ACAD9: variants seen among roughly 807,000 people sequenced by gnomAD.
ACAD9 encodes acyl-CoA dehydrogenase family member 9.
A neutral mutation model predicts 70.2 loss-of-function variants in ACAD9; 53 were observed. That is an observed-to-expected ratio of 0.75 (90% CI 0.61 to 0.95). The LOEUF is 0.95. Among genes scored for constraint, ACAD9 ranks in the 40% least tolerant of loss-of-function variants. ACAD9 has a pLI of 0.00. For synonymous variants in ACAD9, 313 were observed against 312.1 expected (o/e 1.00, Z -0.03); for missense variants, 777 against 802.8 (o/e 0.97, Z 0.39).
At chr3:128,906,901 G>A (rs557776540) in intron 12 of ACAD9, among the ~76,000 whole-genome samples, 1 of 152,182 alleles carries the variant, frequency 6.6e-6, no homozygotes, top group Non-Finnish European at 1.5e-5. Flanking sequence ...GCCACAAAAC[G>A]TCTTTAAGCA....
intron 2 of ACAD9, among the ~76,000 whole-genome samples, chr3:128,887,641 A>G (rs1935290358): frequency 1.1e-5 from 1 of 92,396 alleles, no homozygotes; most frequent in Admixed American, 1.1e-4. Context: ...AAAAAAATAA[A>G]TAAATATATA....
At chr3:128,891,637 A>C (rs565990116) in intron 2 of ACAD9, among the ~76,000 whole-genome samples, 1 of 152,326 alleles carries the variant, frequency 6.6e-6, no homozygotes, top group South Asian at 2.1e-4. Flanking sequence ...AAAAAGAAAA[A>C]GAAAAGTCTG....
In ACAD9 at chr3:128,904,138, A is replaced by G; in HGVS notation, c.1029+6A>G. The G allele has an allele frequency of 6.2e-7, 1 of 1,613,992 alleles. No individual in the cohort carries two copies. The highest frequency in any genetic ancestry group is 1.7e-4 in the Middle Eastern group (1 of 6,060). On this transcript the variant is annotated splice_donor_region_variant and intron_variant, in intron 10 of 17. Coordinates refer to ENST00000308982, the MANE Select transcript of ACAD9 (RefSeq NM_014049.5). ...GTGAATTTGGATTGATTCAGGTACC[A>G]ATGGTTGAGTACTGTATTTGTGCAT...
rs753184132 is a variant in ACAD9, at chr3:128,901,366, A to G, written c.882+17A>G. On this transcript the variant is annotated intron_variant, in intron 8 of 17. Coordinates refer to ENST00000308982, the MANE Select transcript of ACAD9 (RefSeq NM_014049.5). The stretch of plus-strand genomic sequence containing the variant: ...GGGTTTAAGGTGAGTTGCCAGCCAC[A>G]GCCCCTTGTACCAGGTAGTGTCATG... 38 of 1,613,832 alleles carry G rather than the reference A, an allele frequency of 2.4e-5. No individual in the cohort carries two copies. In the Admixed American group the frequency reaches 6.3e-4, roughly 27 times the overall value.
chr3:128,894,999 C>G (rs1195671971), intron 3 of ACAD9, among the ~76,000 whole-genome samples: 1 of 151,174 alleles, frequency 6.6e-6, no homozygotes, highest in African/African-American at 2.4e-5. Context: ...GCCTCAGCCT[C>G]CTGAGTAGCT....
chr3:128,908,173 T>C lies in ACAD9; in HGVS notation c.1279-12T>C. The C allele has an allele frequency of 6.2e-7, 1 of 1,613,954 alleles. No individual in the cohort carries two copies. The highest frequency in any genetic ancestry group is 8.5e-7 in the Non-Finnish European group (1 of 1,179,958). On this transcript the variant is annotated splice_polypyrimidine_tract_variant and intron_variant, in intron 12 of 17. Transcript: ENST00000308982. The stretch of plus-strand genomic sequence containing the variant: ...GGGGGGCAGCCTTTGACCTCTACAC[T>C]ACTGACCACAGGGAACCAATGAGAT...
At chr3:128,907,307 A>G (rs1007570969) in intron 12 of ACAD9, among the ~76,000 whole-genome samples, 2 of 152,086 alleles carry the variant, frequency 1.3e-5, no homozygotes, top group Non-Finnish European at 2.9e-5. Context: ...CATACGGGGC[A>G]AGGGCCAGCC....
intron 2 of ACAD9, among the ~76,000 whole-genome samples, chr3:128,885,601 C>A (rs967582784): frequency 3.9e-5 from 6 of 152,174 alleles, no homozygotes; most frequent in Non-Finnish European, 8.8e-5. Context: ...ACTATATTGC[C>A]CAGGCTGGTC....
intron 17 of ACAD9, among the ~76,000 whole-genome samples, chr3:128,911,971 A>G (rs1420597450): frequency 6.6e-6 from 1 of 152,118 alleles, no homozygotes; most frequent in Admixed American, 6.5e-5. Context: ...CCACTCGACC[A>G]TATCTAGGAA....
intron 2 of ACAD9, among the ~76,000 whole-genome samples, chr3:128,887,644 A>AATAAATATATATATATATAT (rs1436892805): frequency 2.6e-4 from 35 of 133,086 alleles, no homozygotes; most frequent in African/African-American, 9.5e-4. Flanking sequence ...AAAATAAATA[A>AATAAATATATATATATATAT]ATATATATAT....
intron 1 of ACAD9, chr3:128,880,161 C>T (rs1576326267): frequency 1.5e-6 from 1 of 650,586 alleles, no homozygotes; most frequent in South Asian, 1.9e-5. Flanking sequence ...TGGAAATGTG[C>T]GGGGCTTCCT....
intron 4 of ACAD9, among the ~76,000 whole-genome samples, chr3:128,895,742 C>T (rs1674427958): frequency 6.6e-6 from 1 of 152,202 alleles, no homozygotes; most frequent in African/African-American, 2.4e-5. Flanking sequence ...CTTCGTCCTT[C>T]AGCCTGAGCA....
At chr3:128,885,752 C>G (rs975064178) in intron 2 of ACAD9, among the ~76,000 whole-genome samples, 4 of 152,022 alleles carry the variant, frequency 2.6e-5, no homozygotes, top group Non-Finnish European at 5.9e-5. Context: ...TGCAGTGGCT[C>G]ACGCCTGTAA....
rs74888113 is a variant in ACAD9 at position 128,912,334 on chromosome 3, C to T, written c.1766-173C>T. Among the ~76,000 whole-genome samples, 2,771 of 152,278 alleles carry T rather than the reference C, an allele frequency of 0.018. 87 individuals are homozygous for T. Among genetic ancestry groups the T allele is most frequent in the African/African-American group, 0.063 (2,613 of 41,528 alleles). The stretch of plus-strand genomic sequence containing the variant: ...TGTAACTGAGAATGAAGCTGTACCC[C>T]TTTCTCTCCCTGCAGCCCTGAATCA... On this transcript the variant is annotated intron_variant, in intron 17 of 17. Coordinates refer to ENST00000308982, the MANE Select transcript of ACAD9 (RefSeq NM_014049.5).
chr3:128,908,370 T>C (rs878993736), intron 13 of ACAD9, 106 bp downstream of exon 13: 4 of 1,354,106 alleles, frequency 3.0e-6, no homozygotes, highest in African/African-American at 1.4e-5. Flanking sequence ...AGTGGGGGCA[T>C]GGGGGTGTGG....
chr3:128,896,670 C>A, intron 5 of ACAD9, 134 bp downstream of exon 5: 1 of 858,726 alleles, frequency 1.2e-6, no homozygotes, highest in Non-Finnish European at 1.9e-6. Flanking sequence ...ATCAACTCAG[C>A]AACTGTTCTT....
At chr3:128,883,693 G>A (rs1462831584) in intron 1 of ACAD9, among the ~76,000 whole-genome samples, 1 of 152,024 alleles carries the variant, frequency 6.6e-6, no homozygotes, top group Non-Finnish European at 1.5e-5. Flanking sequence ...CTTCAGGGTG[G>A]TTTTGGAATG....
intron 11 of ACAD9, 138 bp from the exon 12 acceptor site, chr3:128,905,983 C>A: frequency 8.4e-7 from 1 of 1,184,072 alleles, no homozygotes. Context: ...AGGCAAAGGA[C>A]TTGACCACAT....
chr3:128,910,575 G>C (rs181122186), intron 16 of ACAD9, among the ~76,000 whole-genome samples, 166 bp from the exon 17 acceptor site: 21 of 152,320 alleles, frequency 1.4e-4, no homozygotes, highest in Admixed American at 6.5e-4. Context: ...TTGGGGAAAG[G>C]CTGTTGGATC....
Sources: allele counts gnomAD v4.1 joint callset (sites outside exome capture counted in the v4.1 genomes callset), GRCh38; gene constraint gnomAD v4.1.1; transcripts MANE v1.5; gene names NCBI Gene and HGNC (gene_info 2026-07-23, HGNC 2026-07-21).